Variants in AOAH observed in about 807,000 individuals in gnomAD.
AOAH encodes acyloxyacyl hydrolase.
A neutral mutation model predicts 92.2 loss-of-function variants in AOAH; 64 were observed. That is an observed-to-expected ratio of 0.69 (90% CI 0.57 to 0.86). The LOEUF (loss-of-function observed/expected upper bound fraction) is 0.86, where lower values mean the gene tolerates loss of function less well. Among genes scored for constraint, AOAH ranks in the 40% least tolerant of loss-of-function variants. AOAH has a pLI of 0.00. For synonymous variants in AOAH, 263 were observed against 254.5 expected (o/e 1.03, Z -0.32); for missense variants, 656 against 694.6 (o/e 0.94, Z 0.62).
intron 1 of AOAH, among the ~76,000 whole-genome samples, chr7:36,702,295 G>T (rs1242158649): frequency 6.6e-6 from 1 of 152,156 alleles, no homozygotes. Flanking sequence ...ACCATGTGGT[G>T]TTATTTTCCT....
intron 7 of AOAH, among the ~76,000 whole-genome samples, chr7:36,622,922 T>C (rs963539612): frequency 3.3e-5 from 5 of 152,150 alleles, no homozygotes; most frequent in African/African-American, 1.2e-4. Context: ...GGTGCATGCC[T>C]GTAATCCCAG....
intron 13 of AOAH, among the ~76,000 whole-genome samples, chr7:36,575,471 A>G (rs547376589): frequency 1.6e-4 from 25 of 152,308 alleles, no homozygotes; most frequent in South Asian, 1.5e-3. Flanking sequence ...TGCTGCAATC[A>G]ATGGGAACAT....
At chr7:36,539,086 C>T (rs1011033175) in intron 16 of AOAH, among the ~76,000 whole-genome samples, 1 of 152,160 alleles carries the variant, frequency 6.6e-6, no homozygotes, top group Non-Finnish European at 1.5e-5. Flanking sequence ...CAAGAGAAGA[C>T]TGGAAAGATT....
intron 13 of AOAH, among the ~76,000 whole-genome samples, chr7:36,553,315 G>C (rs958939163): frequency 2.0e-5 from 3 of 150,936 alleles, no homozygotes; most frequent in Non-Finnish European, 4.4e-5. Context: ...CCCTACAAAG[G>C]TCATCATTTT....
At chr7:36,665,081 G>C (rs927258669) in intron 3 of AOAH, among the ~76,000 whole-genome samples, 1 of 152,176 alleles carries the variant, frequency 6.6e-6, no homozygotes, top group Non-Finnish European at 1.5e-5. Context: ...TTCAACATGA[G>C]ATATGGAGGG....
chr7:36,624,368 C>T (rs1401547775), intron 6 of AOAH, among the ~76,000 whole-genome samples: 1 of 152,166 alleles, frequency 6.6e-6, no homozygotes, highest in Non-Finnish European at 1.5e-5. Flanking sequence ...GTTCTGAGAA[C>T]CTCAAGGCAA....
rs537431436 is a variant in AOAH, at chr7:36,676,098, G to GT, written c.224-2090dup. The stretch of plus-strand genomic sequence containing the variant: ...TCTGCAGTCACTACTTTTATTCAAC[G>GT]TTATAAGTTCTAGCCAGGAGAATGA... On this transcript the variant is annotated intron_variant, in intron 2 of 20. Transcript: ENST00000617537. Among the ~76,000 whole-genome samples, 393 of 152,202 alleles carry GT rather than the reference G, an allele frequency of 2.6e-3. 1 individual carries two copies. The highest frequency in any genetic ancestry group is 9.1e-3 in the African/African-American group (378 of 41,544).
At chr7:36,655,114 C>T (rs1794798829) in intron 4 of AOAH, among the ~76,000 whole-genome samples, 1 of 152,192 alleles carries the variant, frequency 6.6e-6, no homozygotes, top group Non-Finnish European at 1.5e-5. Flanking sequence ...CAGGCCTGCC[C>T]ACCCCCATGT....
At chr7:36,665,307 A>G (rs1392520673) in intron 3 of AOAH, among the ~76,000 whole-genome samples, 1 of 152,182 alleles carries the variant, frequency 6.6e-6, no homozygotes, top group Non-Finnish European at 1.5e-5. Flanking sequence ...GATAATGTAA[A>G]TGGTATCCTG....
intron 7 of AOAH, among the ~76,000 whole-genome samples, chr7:36,622,953 G>A (rs1792389841): frequency 6.6e-6 from 1 of 152,140 alleles, no homozygotes; most frequent in Non-Finnish European, 1.5e-5. Context: ...GGCACGAGAA[G>A]TACTTGAAAC....
chr7:36,572,528 G>GA (rs957495835), intron 13 of AOAH, among the ~76,000 whole-genome samples: 250 of 116,090 alleles, frequency 2.2e-3, no homozygotes, highest in African/African-American at 6.0e-3. Flanking sequence ...GTCACAAAAA[G>GA]AAAAAAAAAA....
intron 13 of AOAH, 27 bp from the exon 14 acceptor site, chr7:36,549,502 T>A: frequency 6.6e-7 from 1 of 1,504,462 alleles, no homozygotes; most frequent in East Asian, 2.3e-5. Flanking sequence ...AAGAAAACAA[T>A]TAAAGTTAGT....
chr7:36,541,380 TA>T (rs1186896821), intron 15 of AOAH, among the ~76,000 whole-genome samples: 4 of 152,230 alleles, frequency 2.6e-5, no homozygotes, highest in Admixed American at 6.5e-5. Flanking sequence ...GACACAGGCC[TA>T]AAATCAAAGC....
chr7:36,549,892 G>A (rs1034641256), intron 13 of AOAH, among the ~76,000 whole-genome samples: 11 of 152,140 alleles, frequency 7.2e-5, no homozygotes, highest in African/African-American at 2.7e-4. Flanking sequence ...CACCTCCTTG[G>A]AGAGCCCCAT....
At chr7:36,564,813 ACT>A (rs1314160114) in intron 13 of AOAH, among the ~76,000 whole-genome samples, 2 of 152,226 alleles carry the variant, frequency 1.3e-5, no homozygotes, top group Non-Finnish European at 2.9e-5. Context: ...CATTACAATC[ACT>A]GTCATGCCTT....
rs114458015 is a variant in AOAH at position 36,650,438 on chromosome 7, A to T, written c.390+8728T>A. Among the ~76,000 whole-genome samples the T allele has an allele frequency of 3.4e-3, 523 of 152,222 alleles. 1 individual carries two copies. The highest frequency in any genetic ancestry group is 0.012 in the African/African-American group (494 of 41,524). On this transcript the variant is annotated intron_variant, in intron 4 of 20. Transcript: ENST00000617537. Reference sequence around the variant, plus strand: ...GGCAAGTGGGGATGCATGGTTTTGGATGTGTGGGAGGTGAGAAGCAAGAGA... The same window carrying T: ...GGCAAGTGGGGATGCATGGTTTTGGTTGTGTGGGAGGTGAGAAGCAAGAGA...
At chr7:36,554,472 T>G (rs1407050205) in intron 13 of AOAH, among the ~76,000 whole-genome samples, 1 of 152,228 alleles carries the variant, frequency 6.6e-6, no homozygotes, top group African/African-American at 2.4e-5. Context: ...TGTGGGCTCT[T>G]TTTTGGTTCC....
chr7:36,577,005 A>G (rs80242478), intron 12 of AOAH, among the ~76,000 whole-genome samples: 53 of 148,000 alleles, frequency 3.6e-4, no homozygotes, highest in African/African-American at 1.2e-3. Context: ...GTTATTTTGA[A>G]CCTGATCATG....
intron 19 of AOAH, among the ~76,000 whole-genome samples, chr7:36,523,629 G>GTTTTTTT (rs57628897): frequency 0.011 from 1,057 of 100,096 alleles, 83 homozygotes; most frequent in East Asian, 0.029. Context: ...TGTTTTGCCT[G>GTTTTTTT]TTTTTTTTTT....
Sources: gnomAD v4.1 joint callset for allele counts (sites outside exome capture counted in the v4.1 genomes callset) on GRCh38, gnomAD v4.1.1 for gene constraint, MANE v1.5 for transcripts, NCBI Gene and HGNC (gene_info 2026-07-23, HGNC 2026-07-21) for gene names.